Variants in SCARA3 observed in about 807,000 individuals in gnomAD.
SCARA3 encodes the protein cellular stress response gene protein.
In SCARA3, 39 loss-of-function variants were observed where a neutral mutation model predicts 47.0. The observed-to-expected ratio is 0.83, with a 90% CI of 0.64 to 1.08. SCARA3 has a LOEUF of 1.08. Ranked by LOEUF, SCARA3 falls within the 50% of genes least tolerant of loss-of-function variation. The pLI is 0.00. For missense variants in SCARA3, 724 were observed against 792.3 expected, an observed-to-expected ratio of 0.91 and a Z score of 1.04; for synonymous variants, 356 against 334.1, an observed-to-expected ratio of 1.07 and a Z score of -0.71.
rs1563415182 is a variant in SCARA3 at position 27,671,716 on chromosome 8, A to G, written c.*365A>G. On this transcript the variant is annotated 3_prime_UTR_variant, in exon 6 of 6. Transcript: ENST00000301904. ...TACACAGGCACACATGCATGCACAC[A>G]TACACATGCACACACACATGCACAC... 6.7e-6 allele frequency: 7 copies of G among 1,052,404 alleles called. No homozygotes were observed. The highest frequency in any genetic ancestry group is 8.0e-6 in the Non-Finnish European group (7 of 872,976). 65.2% of individuals were successfully genotyped at this position (1,052,404 alleles called of 1,614,324 possible). A position where few individuals can be genotyped will look rare whatever the true frequency, so the allele number is the denominator to read the frequency against.
chr8:27,666,232 C>A (rs981727224), intron 5 of SCARA3, among the ~76,000 whole-genome samples: 1 of 152,308 alleles, frequency 6.6e-6, no homozygotes, highest in African/African-American at 2.4e-5. Flanking sequence ...TAGCTGCAGC[C>A]CTTTGTTGGT....
the SCARA3 span, among the ~76,000 whole-genome samples, chr8:27,730,842 G>C: frequency 2.6e-5 from 4 of 151,902 alleles, no homozygotes; most frequent in Non-Finnish European, 5.9e-5. Context: ...AGGGGAACTG[G>C]AAACACTTTC....
chr8:27,653,978 G>A (rs1017793972), intron 3 of SCARA3, among the ~76,000 whole-genome samples: 1 of 152,104 alleles, frequency 6.6e-6, no homozygotes, highest in Non-Finnish European at 1.5e-5. Context: ...AATGGGGGTG[G>A]CAACTCCTGT....
At chr8:27,650,284 T>G (rs1397108738) in intron 2 of SCARA3, among the ~76,000 whole-genome samples, 2 of 152,206 alleles carry the variant, frequency 1.3e-5, no homozygotes, top group African/African-American at 2.4e-5. Context: ...TGTGAGCCAC[T>G]GTGCTTGGCC....
chr8:27,643,537 C>A (rs1801427680), intron 1 of SCARA3, among the ~76,000 whole-genome samples: 2 of 152,192 alleles, frequency 1.3e-5, no homozygotes, highest in South Asian at 2.1e-4. Context: ...GACAAACCCA[C>A]AAAGGAAGCC....
At chr8:27,678,584 T>C (rs1802312726), downstream of SCARA3, among the ~76,000 whole-genome samples, 1 of 152,198 alleles carries the variant, frequency 6.6e-6, no homozygotes, top group African/African-American at 2.4e-5. Context: ...ATAGGCTCAC[T>C]GATGAATTCT....
chr8:27,691,876 C>G, the SCARA3 span, among the ~76,000 whole-genome samples: 1 of 152,148 alleles, frequency 6.6e-6, no homozygotes, highest in Non-Finnish European at 1.5e-5. Flanking sequence ...CCCCTAAGAT[C>G]CAGCAATTCC....
At chr8:27,650,374 G>C (rs1270863427) in intron 2 of SCARA3, among the ~76,000 whole-genome samples, 1 of 152,104 alleles carries the variant, frequency 6.6e-6, no homozygotes, top group East Asian at 1.9e-4. Flanking sequence ...CCATCTCCCA[G>C]AGCTACATAC....
chr8:27,669,919 T>C (rs1802106490), intron 5 of SCARA3, among the ~76,000 whole-genome samples: 1 of 152,128 alleles, frequency 6.6e-6, no homozygotes, highest in Admixed American at 6.5e-5. Context: ...GCTCCCAGCA[T>C]GCAGAATCCC....
chr8:27,666,425 A>T (rs1483942839), intron 5 of SCARA3, among the ~76,000 whole-genome samples: 2 of 152,162 alleles, frequency 1.3e-5, no homozygotes, highest in African/African-American at 2.4e-5. Context: ...TGGGAGGTTG[A>T]ATCTGTCATA....
At chr8:27,703,064 T>C in the SCARA3 span, 137,111 of 152,418 alleles carry the variant, frequency 0.9, 63,468 homozygotes, top group East Asian at 1. Context: ...TGTCGAGAAC[T>C]GGCATGGAAC....
downstream of SCARA3, among the ~76,000 whole-genome samples, chr8:27,679,235 C>A (rs1802323350): frequency 1.3e-5 from 2 of 151,034 alleles, no homozygotes; most frequent in Admixed American, 6.6e-5. Context: ...TAAGTCTCTA[C>A]TAAAATACAA....
chr8:27,658,767 A>T lies in SCARA3; in HGVS notation c.597A>T (p.Thr199=). 6.2e-7 allele frequency: 1 copy of T among 1,614,074 alleles called. No individual in the cohort carries two copies. The highest frequency in any genetic ancestry group is 8.5e-7 in the Non-Finnish European group (1 of 1,179,966). ...AGGTGAGAGGCTGGCAGGCCACCAC[A>T]GCTGGCCTGGACCTCTCTCTGAAGG... ...LAQVRGWQAT[T]AGLDLSLKDL... The change falls in exon 5 of 6, where the codon ACA becomes ACT. Residue 199 remains threonine, a synonymous_variant. Coordinates refer to ENST00000301904, the MANE Select transcript of SCARA3 (RefSeq NM_016240.3).
rs1490983560 is a variant in SCARA3, at chr8:27,672,181, G to A, written c.*830G>A. ...TGGGGCCACGAGGCTGACATTCTCTGGCCTTGCACACAGTGCCCCCTGAGA... is the reference window on the plus strand; with the variant it reads ...TGGGGCCACGAGGCTGACATTCTCTAGCCTTGCACACAGTGCCCCCTGAGA... On this transcript the variant is annotated 3_prime_UTR_variant, in exon 6 of 6. Transcript: ENST00000301904. 3 of 985,296 alleles carry A rather than the reference G, an allele frequency of 3.0e-6. No individual in the cohort carries two copies. The highest frequency in any genetic ancestry group is 1.7e-5 in the African/African-American group (1 of 57,212). The allele number at this position is 985,296 out of a possible 1,614,324, so 61.0% of individuals were successfully genotyped here. A position where few individuals can be genotyped will look rare whatever the true frequency, so the allele number is the denominator to read the frequency against.
the SCARA3 span, among the ~76,000 whole-genome samples, chr8:27,729,635 AC>A: frequency 0.01 from 1,593 of 152,062 alleles, 24 homozygotes; most frequent in African/African-American, 0.036. Context: ...TACTAAAAAC[AC>A]AAAAATTAGC....
At chr8:27,636,890 G>A (rs910531045) in intron 1 of SCARA3, among the ~76,000 whole-genome samples, 1 of 152,198 alleles carries the variant, frequency 6.6e-6, no homozygotes. Context: ...GGGATCTGTG[G>A]GGTGTAAAGA....
chr8:27,724,027 C>A, the SCARA3 span, among the ~76,000 whole-genome samples: 5 of 152,332 alleles, frequency 3.3e-5, no homozygotes, highest in South Asian at 1.0e-3. Context: ...CAAGCCACTG[C>A]ACCTGGCCTG....
At chr8:27,709,002 ATG>A in the SCARA3 span, among the ~76,000 whole-genome samples, 2 of 152,202 alleles carry the variant, frequency 1.3e-5, no homozygotes, top group Non-Finnish European at 2.9e-5. Flanking sequence ...ATCTACGTCT[ATG>A]ACTGTCTTCT....
the SCARA3 span, among the ~76,000 whole-genome samples, chr8:27,699,555 T>C: frequency 2.6e-4 from 39 of 152,240 alleles, no homozygotes; most frequent in African/African-American, 8.9e-4. Context: ...TAAAAATGTA[T>C]ATAAAAGTGC....
Sources: allele counts gnomAD v4.1 joint callset (sites outside exome capture counted in the v4.1 genomes callset), GRCh38; gene constraint gnomAD v4.1.1; transcripts MANE v1.5; gene names NCBI Gene and HGNC (gene_info 2026-07-23, HGNC 2026-07-21).